The following CCDC85C variants were observed in gnomAD, a reference collection of about 807,000 sequenced individuals.
The protein encoded by CCDC85C is coiled-coil domain containing 85C, also known as coiled-coil domain-containing protein 85C.
Under a neutral mutation model 38.3 loss-of-function variants are expected in CCDC85C, and 18 were observed. That is an observed-to-expected ratio of 0.47 (90% CI 0.33 to 0.70). CCDC85C has a LOEUF of 0.70. Ranked by LOEUF, CCDC85C falls within the 30% of genes least tolerant of loss-of-function variation. The probability of loss-of-function intolerance (pLI) is 0.03; values close to 1 mark genes in which losing one functional copy is unlikely to be tolerated. For missense variants in CCDC85C, 566 were observed against 621.2 expected, an observed-to-expected ratio of 0.91 and a Z score of 0.94; for synonymous variants, 264 against 293.8, an observed-to-expected ratio of 0.90 and a Z score of 1.04.
intron 2 of CCDC85C, among the ~76,000 whole-genome samples, chr14:99,527,235 C>T (rs1897402945): frequency 6.6e-6 from 1 of 152,176 alleles, no homozygotes; most frequent in Non-Finnish European, 1.5e-5. Context: ...GTTGGTTTAT[C>T]GTCTGTCTGC....
Position 99,548,517 on chromosome 14 carries a change from C to A in CCDC85C, c.794-12429G>T, listed in dbSNP as rs965617765. 6.6e-6 allele frequency among the ~76,000 whole-genome samples: 1 copy of A among 151,972 alleles called. No homozygotes were observed. Reference sequence around the variant, plus strand: ...CTCACACCCTTGACAAAGCCCAGCACAAGCGCCCAACGAGACAGGCACAAG... The same window carrying A: ...CTCACACCCTTGACAAAGCCCAGCAAAAGCGCCCAACGAGACAGGCACAAG... On this transcript the variant is annotated intron_variant, in intron 1 of 5. Coordinates refer to ENST00000380243, the MANE Select transcript of CCDC85C (RefSeq NM_001144995.2). The surrounding 1 kb of genome is among the most constrained non-coding windows in gnomAD (Gnocchi z 4.9).
rs539442534 is a variant in CCDC85C, at chr14:99,544,307, G to A, written c.794-8219C>T. ...TCCACACCAACCCCGGGGTTCTGGC[G>A]CACTGACCCTGGGCCTCTCAAGACA... On this transcript the variant is annotated intron_variant, in intron 1 of 5. Transcript: ENST00000380243. This position sits in a 1 kb window ranked among gnomAD's most constrained non-coding sequence, Gnocchi z 5.3. 3.3e-5 allele frequency among the ~76,000 whole-genome samples: 5 copies of A among 152,186 alleles called. No individual in the cohort carries two copies. The highest frequency in any genetic ancestry group is 2.1e-4 in the South Asian group (1 of 4,820).
rs540805696 is a variant in CCDC85C at position 99,533,647 on chromosome 14, T to G, written c.867+2368A>C. On this transcript the variant is annotated intron_variant, in intron 2 of 5. Coordinates refer to ENST00000380243, the MANE Select transcript of CCDC85C (RefSeq NM_001144995.2). This position sits in a 1 kb window ranked among gnomAD's most constrained non-coding sequence, Gnocchi z 4.2. ...GTGCCCTGCAGACCTGGCCCACGGA[T>G]GAGGATGTGAACAGAGCCCTGCTGC... is the stretch of plus-strand genomic sequence containing the variant. 3.7e-4 allele frequency among the ~76,000 whole-genome samples: 56 copies of G among 152,250 alleles called. No individual in the cohort carries two copies. The highest frequency in any genetic ancestry group is 1.2e-3 in the Admixed American group (18 of 15,304).
chr14:99,596,067 TGGCCCTGGGGTG>T (rs1281951369), intron 1 of CCDC85C, among the ~76,000 whole-genome samples: 1 of 152,240 alleles, frequency 6.6e-6, no homozygotes, highest in Admixed American at 6.5e-5. Flanking sequence ...CCCATGTGGC[TGGCCCTGGGGTG>T]GGCCCCTGTC....
Position 99,522,118 on chromosome 14 carries a change from G to C in CCDC85C, c.975+15C>G. On this transcript the variant is annotated intron_variant, in intron 3 of 5. Coordinates refer to ENST00000380243, the MANE Select transcript of CCDC85C (RefSeq NM_001144995.2). ...TCATCCAGAACATGTGGGCTTTTTT[G>C]GGGTGCACACTCACGTTCTGCAGGG... 6.5e-7 allele frequency: 1 copy of C among 1,538,714 alleles called. No homozygotes were observed. The highest frequency in any genetic ancestry group is 8.8e-7 in the Non-Finnish European group (1 of 1,135,982).
At position 99,572,687 on chromosome 14, in the gene CCDC85C, C is replaced by T. The variant is rs752798996; in HGVS notation, c.793+30480G>A. 32 of 455,950 alleles carry T rather than the reference C, an allele frequency of 7.0e-5. No homozygotes were observed. Among genetic ancestry groups the T allele is most frequent in the Non-Finnish European group, 1.2e-4 (27 of 226,790 alleles). The allele number at this position is 455,950 out of a possible 1,614,324, so 28.2% of individuals were successfully genotyped here. A position where few individuals can be genotyped will look rare whatever the true frequency, so the allele number is the denominator to read the frequency against. The stretch of plus-strand genomic sequence containing the variant: ...CCCCTCCTTAAGAGGCCTCCCCTGC[C>T]ACCATCTGTTTTCTGCTCTTCCTAG... On this transcript the variant is annotated intron_variant, in intron 1 of 5. Transcript: ENST00000380243. The surrounding 1 kb of genome is among the most constrained non-coding windows in gnomAD (Gnocchi z 4.4).
At chr14:99,549,340 A>G (rs1364541265) in intron 1 of CCDC85C, among the ~76,000 whole-genome samples, 1 of 151,984 alleles carries the variant, frequency 6.6e-6, no homozygotes, top group Non-Finnish European at 1.5e-5. Flanking sequence ...TCCCACAAAC[A>G]CCCCCAGCAG....
In CCDC85C at chr14:99,603,440, C is replaced by A; in HGVS notation, c.520G>T (p.Ala174Ser). ...CTGTCGATGGAGCTGCGGGAGCCGG[C>A]GCCGCCCCCGCCGCCGCCGCCACCG... ...ASGGGGGGGG[A>S]GSRSSIDSQA... Residue 174 changes from alanine to serine, a missense_variant, in exon 1 of 6, where the codon GCC (alanine) becomes TCC (serine). Ala to Ser is a moderately conservative substitution (Grantham distance 99, BLOSUM62 1). Around this residue, in one of 3 missense-constraint regions of CCDC85C, gnomAD observed 269 missense variants for 308.2 expected, o/e 0.87. Transcript: ENST00000380243. The surrounding 1 kb of genome is among the most constrained non-coding windows in gnomAD (Gnocchi z 7.5). The A allele has an allele frequency of 7.9e-7, 1 of 1,267,572 alleles. No homozygotes were observed. Among genetic ancestry groups the A allele is most frequent in the Middle Eastern group, 3.1e-4 (1 of 3,258 alleles). The allele number at this position is 1,267,572 out of a possible 1,614,324, so 78.5% of individuals were successfully genotyped here. A position where few individuals can be genotyped will look rare whatever the true frequency, so the allele number is the denominator to read the frequency against.
chr14:99,575,965 T>G (rs898520209), intron 1 of CCDC85C, among the ~76,000 whole-genome samples: 1 of 152,188 alleles, frequency 6.6e-6, no homozygotes, highest in African/African-American at 2.4e-5. Context: ...TGGGCTGAGA[T>G]GACACCCCAT....
At chr14:99,529,968 AT>A (rs1321860157) in intron 2 of CCDC85C, among the ~76,000 whole-genome samples, 1 of 152,150 alleles carries the variant, frequency 6.6e-6, no homozygotes, top group Admixed American at 6.5e-5. Context: ...TAGTGTCCCC[AT>A]TTTGCAGAGG....
intron 1 of CCDC85C, among the ~76,000 whole-genome samples, chr14:99,602,001 G>A (rs1224372120): frequency 2.0e-5 from 3 of 152,118 alleles, no homozygotes; most frequent in African/African-American, 4.8e-5. Flanking sequence ...AGGCTGAGGG[G>A]TTCTGGGGAG....
chr14:99,577,350 G>A (rs1237560964), intron 1 of CCDC85C, among the ~76,000 whole-genome samples: 5 of 149,120 alleles, frequency 3.4e-5, no homozygotes, highest in African/African-American at 1.2e-4. Context: ...GGCTGACGGC[G>A]TGTCCAGCAA....
chr14:99,521,663 A>G (rs1319577130), intron 3 of CCDC85C, among the ~76,000 whole-genome samples: 1 of 152,198 alleles, frequency 6.6e-6, no homozygotes, highest in Admixed American at 6.5e-5. Flanking sequence ...TACAGGGCAC[A>G]GTCCTGAGCT....
intron 2 of CCDC85C, among the ~76,000 whole-genome samples, chr14:99,530,836 A>G (rs962735816): frequency 4.6e-5 from 7 of 152,326 alleles, no homozygotes; most frequent in Middle Eastern, 6.8e-3. Context: ...GGCGGGGGCT[A>G]TTGGAGTTTA....
intron 2 of CCDC85C, among the ~76,000 whole-genome samples, chr14:99,530,727 C>T (rs2139911501): frequency 6.6e-6 from 1 of 152,326 alleles, no homozygotes; most frequent in East Asian, 1.9e-4. Flanking sequence ...TTCCCAGGGG[C>T]CACATCACAC....
chr14:99,537,956 C>T (rs921035261), intron 1 of CCDC85C, among the ~76,000 whole-genome samples: 4 of 152,202 alleles, frequency 2.6e-5, no homozygotes, highest in African/African-American at 9.6e-5. Flanking sequence ...CCCTGGAACA[C>T]CAGCTGGGAA....
intron 1 of CCDC85C, among the ~76,000 whole-genome samples, chr14:99,590,538 A>G (rs1349763303): frequency 2.0e-5 from 3 of 152,054 alleles, no homozygotes; most frequent in Admixed American, 6.5e-5. Context: ...CCTACCATCA[A>G]CACTGCCATT....
chr14:99,557,566 G>GC (rs1898036032), intron 1 of CCDC85C, among the ~76,000 whole-genome samples: 1 of 152,204 alleles, frequency 6.6e-6, no homozygotes, highest in Non-Finnish European at 1.5e-5. Context: ...TCACTCCTGG[G>GC]CCCAGCAGAG....
In CCDC85C at chr14:99,604,177, C is replaced by T. The variant is rs1056379804; in HGVS notation, c.-218G>A. 3.4e-5 allele frequency among the ~76,000 whole-genome samples: 5 copies of T among 148,072 alleles called. No homozygotes were observed. In the East Asian group the frequency reaches 9.9e-4, roughly 29 times the overall value. ...CGAGCGGAGGCGGCTGCTGCGTCGG[C>T]GGCCGCGGTGCCGGGCGCTCTCAGG... is the stretch of plus-strand genomic sequence containing the variant. On this transcript the variant is annotated 5_prime_UTR_variant, in exon 1 of 6. Coordinates refer to ENST00000380243, the MANE Select transcript of CCDC85C (RefSeq NM_001144995.2).
Sources: gnomAD v4.1 joint callset for allele counts (sites outside exome capture counted in the v4.1 genomes callset) on GRCh38, gnomAD v4.1.1 for gene constraint, gnomAD v4.1.1 regional missense constraint, Gnocchi (gnomAD v3.1) non-coding constraint, MANE v1.5 for transcripts, NCBI Gene and HGNC (gene_info 2026-07-23, HGNC 2026-07-21) for gene names.